Variants in ZMPSTE24 observed in about 807,000 individuals in gnomAD.
ZMPSTE24 encodes zinc metallopeptidase STE24.
A neutral mutation model predicts 56.7 loss-of-function variants in ZMPSTE24; 48 were observed. The observed-to-expected ratio is 0.85, with a 90% CI of 0.67 to 1.08. The LOEUF is 1.08. ZMPSTE24 is among the 50% of genes least tolerant of loss of function. ZMPSTE24 has a pLI of 0.00. For missense variants in ZMPSTE24, 503 were observed against 548.7 expected (o/e 0.92, Z 0.83); for synonymous variants, 172 against 195.2 (o/e 0.88, Z 0.99).
chr1:40,281,551 T>G, intron 7 of ZMPSTE24, 24 bp downstream of exon 7: 4 of 1,608,170 alleles, frequency 2.5e-6, no homozygotes, highest in Non-Finnish European at 3.4e-6. Context: ...TCCTAAGAGA[T>G]TCTACCTTAG....
At chr1:40,291,027 A>T in intron 9 of ZMPSTE24, 30 bp downstream of exon 9, 1 of 1,612,150 alleles carries the variant, frequency 6.2e-7, no homozygotes, top group African/African-American at 1.3e-5. Flanking sequence ...ATTATCACAC[A>T]TATGCTCTTG....
chr1:40,279,685 G>A lies in ZMPSTE24; in HGVS notation c.770-1658G>A, dbSNP rs575703468. Among the ~76,000 whole-genome samples, 5 of 152,310 alleles carry A rather than the reference G, an allele frequency of 3.3e-5. No homozygotes were observed. In the South Asian group the frequency reaches 8.3e-4, roughly 25 times the overall value. On this transcript the variant is annotated intron_variant, in intron 6 of 9. Coordinates refer to ENST00000372759, the MANE Select transcript of ZMPSTE24 (RefSeq NM_005857.5). ...TCAACTTTTGAAGGATTGATTTTGC[G>A]ATGTTCGGTTGGGTGTTGTCTTGGA...
intron 6 of ZMPSTE24, among the ~76,000 whole-genome samples, chr1:40,275,768 A>C (rs1401463495): frequency 6.6e-6 from 1 of 151,794 alleles, no homozygotes; most frequent in Non-Finnish European, 1.5e-5. Flanking sequence ...AAAAAAAAAA[A>C]AAAAAACAAC....
chr1:40,269,907 A>T (rs1027612258), intron 4 of ZMPSTE24, 68 bp from the exon 5 acceptor site: 8 of 1,544,240 alleles, frequency 5.2e-6, no homozygotes, highest in Non-Finnish European at 7.0e-6. Flanking sequence ...CTTTGTATTT[A>T]TTTATCAGTT....
intron 6 of ZMPSTE24, among the ~76,000 whole-genome samples, chr1:40,277,085 CTTTTT>C (rs574397138): frequency 7.7e-6 from 1 of 130,076 alleles, no homozygotes. Flanking sequence ...TACAGGGATT[CTTTTT>C]TTTTTTTTTT....
At position 40,275,168 on chromosome 1, in the gene ZMPSTE24, T is replaced by C. The variant is rs375306663; in HGVS notation, c.769+3133T>C. Reference sequence around the variant, plus strand: ...GGCGCAGTGGCTTATGCTTGTAATCTCAGCACTTGGGGAGGCCGAGGTGGG... The same window carrying C: ...GGCGCAGTGGCTTATGCTTGTAATCCCAGCACTTGGGGAGGCCGAGGTGGG... On this transcript the variant is annotated intron_variant, in intron 6 of 9. Transcript: ENST00000372759. 8.0e-5 allele frequency among the ~76,000 whole-genome samples: 12 copies of C among 149,698 alleles called. 1 individual carries two copies. The highest frequency in any genetic ancestry group is 4.0e-4 in the East Asian group (2 of 5,038).
At chr1:40,273,537 A>AAAAAATATATATAT (rs1224234676) in intron 6 of ZMPSTE24, among the ~76,000 whole-genome samples, 3 of 12,388 alleles carry the variant, frequency 2.4e-4, no homozygotes, top group East Asian at 3.3e-3. Context: ...AAAAAAAAAA[A>AAAAAATATATATAT]ATATATATAT....
At chr1:40,261,543 C>T (rs1643497038) in intron 2 of ZMPSTE24, among the ~76,000 whole-genome samples, 1 of 152,144 alleles carries the variant, frequency 6.6e-6, no homozygotes, top group African/African-American at 2.4e-5. Context: ...GCATGAGCCA[C>T]ACTGTACCTG....
chr1:40,258,828 A>C (rs527245204), intron 1 of ZMPSTE24, among the ~76,000 whole-genome samples: 5 of 151,840 alleles, frequency 3.3e-5, no homozygotes, highest in African/African-American at 1.2e-4. Context: ...TAAAGTGCAT[A>C]TATTGTTTCT....
At chr1:40,272,056 G>A in intron 6 of ZMPSTE24, 21 bp downstream of exon 6, 1 of 1,580,728 alleles carries the variant, frequency 6.3e-7, no homozygotes, top group Non-Finnish European at 8.6e-7. Context: ...CTGGGGATAA[G>A]AAAGTTTTAT....
chr1:40,280,822 G>A (rs575020667), intron 6 of ZMPSTE24, among the ~76,000 whole-genome samples: 1 of 152,190 alleles, frequency 6.6e-6, no homozygotes, highest in South Asian at 2.1e-4. Context: ...AGTGAGAAAT[G>A]TGCATTAAAA....
intron 8 of ZMPSTE24, 43 bp downstream of exon 8, chr1:40,286,072 A>T (rs1046380396): frequency 6.5e-6 from 10 of 1,530,864 alleles, no homozygotes; most frequent in African/African-American, 1.4e-5. Context: ...CATGATAGTC[A>T]AATTAGAACT....
Position 40,260,055 on chromosome 1 carries a change from C to CTT in ZMPSTE24, c.124-761_124-760dup, listed in dbSNP as rs11383054. 9.2e-3 allele frequency among the ~76,000 whole-genome samples: 774 copies of CTT among 84,308 alleles called. 35 individuals carry two copies. Among genetic ancestry groups the CTT allele is most frequent in the African/African-American group, 0.027 (505 of 18,610 alleles). 55.3% of individuals were successfully genotyped at this position (84,308 alleles called of 152,430 possible). On this transcript the variant is annotated intron_variant, in intron 1 of 9. Coordinates refer to ENST00000372759, the MANE Select transcript of ZMPSTE24 (RefSeq NM_005857.5). ...TATAATGAGATAGTTGATCTTTCTC[C>CTT]TTTTTTTTTTTTTTTTTTTTTTTTA... is the stretch of plus-strand genomic sequence containing the variant.
At chr1:40,273,535 AAAATATAT>A (rs1411267997) in intron 6 of ZMPSTE24, among the ~76,000 whole-genome samples, 6 of 45,486 alleles carry the variant, frequency 1.3e-4, no homozygotes, top group African/African-American at 3.5e-4. Flanking sequence ...AAAAAAAAAA[AAAATATAT>A]ATATATATAT....
At chr1:40,287,062 C>A (rs1643795268) in intron 8 of ZMPSTE24, among the ~76,000 whole-genome samples, 1 of 93,770 alleles carries the variant, frequency 1.1e-5, no homozygotes, top group South Asian at 4.0e-4. Flanking sequence ...ACATTTTTTT[C>A]TTTTTCTTTT....
chr1:40,274,638 A>G (rs1179188659), intron 6 of ZMPSTE24, among the ~76,000 whole-genome samples: 2 of 152,224 alleles, frequency 1.3e-5, no homozygotes, highest in Non-Finnish European at 1.5e-5. Flanking sequence ...TTTGTAAGTC[A>G]GGGTAAGGAG....
chr1:40,266,542 G>T (rs977601834), intron 2 of ZMPSTE24, among the ~76,000 whole-genome samples: 1 of 152,098 alleles, frequency 6.6e-6, no homozygotes, highest in Non-Finnish European at 1.5e-5. Flanking sequence ...GCCTTCTCCT[G>T]TGAAAGCCGG....
In ZMPSTE24 at chr1:40,281,343, G is replaced by T. The variant is rs554228180; in HGVS notation, c.770G>T (p.Gly257Val). The change falls in exon 7 of 10, where the codon GGA becomes GTA. Residue 257 changes from glycine (G) to valine (V), a missense_variant and splice_region_variant. Transcript: ENST00000372759. ...FPLTKVYVVE[G>V]SKRSSHSNAY... ...ATGCTTTGAACTGTCTTTTCCTTAG[G>T]ATCTAAACGCTCTTCCCACAGCAAT... 6.2e-7 allele frequency: 1 copy of T among 1,613,608 alleles called. No individual in the cohort carries two copies. The highest frequency in any genetic ancestry group is 2.2e-5 in the East Asian group (1 of 44,846).
chr1:40,282,822 C>T (rs1449643347), intron 7 of ZMPSTE24, among the ~76,000 whole-genome samples: 1 of 152,196 alleles, frequency 6.6e-6, no homozygotes, highest in African/African-American at 2.4e-5. Flanking sequence ...ACAACCTCTA[C>T]AAATTGTAAC....
Sources: gnomAD v4.1 joint callset for allele counts (sites outside exome capture counted in the v4.1 genomes callset) on GRCh38, gnomAD v4.1.1 for gene constraint, MANE v1.5 for transcripts, NCBI Gene and HGNC (gene_info 2026-07-23, HGNC 2026-07-21) for gene names.